Variants in CADM2 observed in about 807,000 individuals in gnomAD.
CADM2 encodes immunoglobulin superfamily member 4D.
Under a neutral mutation model 49.8 loss-of-function variants are expected in CADM2, and 12 were observed. The ratio of observed to expected loss-of-function variants is 0.24; its 90% CI spans 0.15 to 0.39. CADM2 has a LOEUF of 0.39. Ranked by LOEUF, CADM2 falls within the 10% of genes least tolerant of loss-of-function variation. The pLI, the probability that CADM2 is intolerant of heterozygous loss-of-function variation, is 1.00. For missense variants in CADM2, 378 were observed against 492.3 expected, an observed-to-expected ratio of 0.77 and a Z score of 2.20; for synonymous variants, 214 against 175.4, an observed-to-expected ratio of 1.22 and a Z score of -1.74.
intron 1 of CADM2, among the ~76,000 whole-genome samples, chr3:85,144,611 C>CA (rs368755903): frequency 3.5e-3 from 384 of 108,740 alleles, no homozygotes; most frequent in Middle Eastern, 4.3e-3. Context: ...GACTCCATCT[C>CA]AAAAAAAAAA....
At chr3:85,640,883 CTT>C (rs2064689553) in intron 1 of CADM2, among the ~76,000 whole-genome samples, 1 of 152,144 alleles carries the variant, frequency 6.6e-6, no homozygotes, top group Non-Finnish European at 1.5e-5. Flanking sequence ...TTAAGCAAGT[CTT>C]TGAACCACAT....
chr3:85,329,187 ATTTCTGTTC>A (rs2044839279), intron 1 of CADM2, among the ~76,000 whole-genome samples: 1 of 152,152 alleles, frequency 6.6e-6, no homozygotes, highest in African/African-American at 2.4e-5. Flanking sequence ...ATTTAAATAC[ATTTCTGTTC>A]TTTAAGCCAC....
At chr3:85,821,521 CT>C (rs1338636808) in intron 3 of CADM2, among the ~76,000 whole-genome samples, 3 of 152,132 alleles carry the variant, frequency 2.0e-5, no homozygotes, top group Non-Finnish European at 4.4e-5. Context: ...GCTTAATCTA[CT>C]TTTTTTCCTG....
chr3:85,638,549 G>A (rs1342820417), intron 1 of CADM2, among the ~76,000 whole-genome samples: 2 of 151,954 alleles, frequency 1.3e-5, no homozygotes, highest in Non-Finnish European at 2.9e-5. Context: ...TAATGTTGAT[G>A]TTTTCCATTT....
At chr3:86,018,777 G>A (rs1483053301) in intron 8 of CADM2, among the ~76,000 whole-genome samples, 2 of 151,834 alleles carry the variant, frequency 1.3e-5, no homozygotes, top group African/African-American at 4.8e-5. Flanking sequence ...CTGGATATTA[G>A]CCCTTTGTCA....
chr3:85,037,489 G>T (rs1334841897), intron 1 of CADM2, among the ~76,000 whole-genome samples: 1 of 152,126 alleles, frequency 6.6e-6, no homozygotes, highest in Non-Finnish European at 1.5e-5. Flanking sequence ...TTCTATTTCT[G>T]TTCTTAGTTG....
At chr3:85,916,521 A>G (rs1400254911) in intron 6 of CADM2, among the ~76,000 whole-genome samples, 1 of 151,860 alleles carries the variant, frequency 6.6e-6, no homozygotes, top group Non-Finnish European at 1.5e-5. Flanking sequence ...TTATGGCTGC[A>G]TAGTATTCCA....
chr3:85,628,560 T>C (rs928960569), intron 1 of CADM2, among the ~76,000 whole-genome samples: 4 of 147,146 alleles, frequency 2.7e-5, no homozygotes, highest in African/African-American at 5.0e-5. Flanking sequence ...TACACACACA[T>C]ATATATACAT....
At chr3:85,713,775 G>T (rs1228046609) in intron 1 of CADM2, among the ~76,000 whole-genome samples, 1 of 152,188 alleles carries the variant, frequency 6.6e-6, no homozygotes, top group Non-Finnish European at 1.5e-5. Flanking sequence ...TTATGGAAAT[G>T]ATGGATTATA....
At chr3:85,662,071 A>G (rs773591248) in intron 1 of CADM2, among the ~76,000 whole-genome samples, 6 of 152,052 alleles carry the variant, frequency 3.9e-5, no homozygotes, top group Non-Finnish European at 7.4e-5. Context: ...TATGTATTCT[A>G]TATGTACCAA....
chr3:85,724,835 A>G (rs991112678), intron 1 of CADM2, among the ~76,000 whole-genome samples: 2 of 151,864 alleles, frequency 1.3e-5, no homozygotes, highest in African/African-American at 4.8e-5. Context: ...TCAATTTTGT[A>G]CTTAAACAAT....
chr3:85,101,533 C>T (rs2038012627), intron 1 of CADM2, among the ~76,000 whole-genome samples: 3 of 152,120 alleles, frequency 2.0e-5, no homozygotes, highest in Admixed American at 2.0e-4. Flanking sequence ...CATGCATGAA[C>T]ATGTTTCACC....
At chr3:85,870,180 T>C (rs1212379580) in intron 3 of CADM2, among the ~76,000 whole-genome samples, 1 of 152,132 alleles carries the variant, frequency 6.6e-6, no homozygotes, top group Admixed American at 6.6e-5. Context: ...CTTGAATAGG[T>C]AGATGCATAG....
chr3:85,927,185 T>C (rs1401991323), intron 6 of CADM2, among the ~76,000 whole-genome samples: 1 of 152,204 alleles, frequency 6.6e-6, no homozygotes, highest in African/African-American at 2.4e-5. Context: ...CGAGTAAATT[T>C]GATTTTCTAA....
intron 5 of CADM2, among the ~76,000 whole-genome samples, chr3:85,907,140 A>G (rs899669750): frequency 1.3e-5 from 2 of 152,194 alleles, no homozygotes; most frequent in African/African-American, 4.8e-5. Context: ...TGTAATGCGT[A>G]TATTTTCTGT....
chr3:85,539,344 C>T (rs62252516), intron 1 of CADM2, among the ~76,000 whole-genome samples: 77,831 of 151,772 alleles, frequency 0.51, 23,027 homozygotes, highest in East Asian at 0.85. Flanking sequence ...TAAAAAATGA[C>T]TTCATATTTT....
At chr3:85,850,113 C>G (rs1360583293) in intron 3 of CADM2, among the ~76,000 whole-genome samples, 1 of 152,028 alleles carries the variant, frequency 6.6e-6, no homozygotes, top group African/African-American at 2.4e-5. Flanking sequence ...ATTTATATGG[C>G]AGCAAACTAG....
At chr3:85,681,283 A>G (rs184231127) in intron 1 of CADM2, among the ~76,000 whole-genome samples, 305 of 152,270 alleles carry the variant, frequency 2.0e-3, no homozygotes, top group African/African-American at 6.5e-3. Flanking sequence ...GGCAGGTGTG[A>G]GATTTACAGT....
chr3:85,391,607 A>C (rs527866170), intron 1 of CADM2, among the ~76,000 whole-genome samples: 1 of 152,144 alleles, frequency 6.6e-6, no homozygotes, highest in Non-Finnish European at 1.5e-5. Flanking sequence ...TATATTGTGC[A>C]ATACAAATCT....
Sources: allele counts gnomAD v4.1 joint callset (sites outside exome capture counted in the v4.1 genomes callset), GRCh38; gene constraint gnomAD v4.1.1; transcripts MANE v1.5; gene names NCBI Gene and HGNC (gene_info 2026-07-23, HGNC 2026-07-21).